Variants in TTC3 observed in about 807,000 individuals in gnomAD.
TTC3 encodes the protein tetratricopeptide repeat domain 3.
A neutral mutation model predicts 249.6 loss-of-function variants in TTC3; 180 were observed. That is an observed-to-expected ratio of 0.72 (90% CI 0.64 to 0.82). The LOEUF (loss-of-function observed/expected upper bound fraction) is 0.82. TTC3 is among the 40% of genes least tolerant of loss of function. The pLI, the probability that TTC3 is intolerant of heterozygous loss-of-function variation, is 0.00. For synonymous variants in TTC3, 717 were observed against 805.0 expected (o/e 0.89, Z 1.85); for missense variants, 2,061 against 2,398.4 (o/e 0.86, Z 2.94).
rs550654712 is a variant in TTC3, at chr21:37,133,025, A to G, written c.1443+259A>G. Among the ~76,000 whole-genome samples the G allele has an allele frequency of 4.6e-5, 7 of 152,346 alleles. No homozygotes were observed. The East Asian group carries it at 1.3e-3, about 29-fold the overall frequency. ...CTATTATAGACATATCATTTAATAT[A>G]TATGACTGCTAAGAATCCAATCTAT... On this transcript the variant is annotated intron_variant, in intron 17 of 45. Coordinates refer to ENST00000355666, the Ensembl canonical transcript of TTC3.
exon 33 of TTC3, chr21:37,165,716 T>C (rs61741846): frequency 0.011 from 18,098 of 1,613,698 alleles, 158 homozygotes; most frequent in East Asian, 0.023. Context: ...GATTGACAAC[T>C]GTATTGCACT....
intron 11 of TTC3, among the ~76,000 whole-genome samples, chr21:37,112,460 C>T (rs113735940): frequency 3.9e-5 from 6 of 152,084 alleles, no homozygotes; most frequent in African/African-American, 1.2e-4. Flanking sequence ...ATAAATTCCT[C>T]GACACATACA....
chr21:37,135,422 G>C (rs749731110), exon 18 of TTC3: 1 of 1,613,618 alleles, frequency 6.2e-7, no homozygotes, highest in African/African-American at 1.3e-5. Flanking sequence ...CTTAATTCAA[G>C]ATGGCTATAT....
chr21:37,109,729 G>T (rs551454996), intron 11 of TTC3, among the ~76,000 whole-genome samples: 1 of 152,336 alleles, frequency 6.6e-6, no homozygotes, highest in East Asian at 1.9e-4. Flanking sequence ...CTCCCAGCAC[G>T]CAGCTTGAGA....
At chr21:37,195,899 T>C in exon 42 of TTC3, 1 of 1,614,246 alleles carries the variant, frequency 6.2e-7, no homozygotes, top group South Asian at 1.1e-5. Flanking sequence ...GCCAGGCAGC[T>C]CTGTCAGAAC....
chr21:37,112,014 C>A (rs1392019076), intron 11 of TTC3, among the ~76,000 whole-genome samples: 1 of 151,748 alleles, frequency 6.6e-6, no homozygotes, highest in Admixed American at 6.6e-5. Context: ...AACAAAGACA[C>A]AACATACCAG....
chr21:37,153,550 T>TA (rs2079693270), intron 27 of TTC3, among the ~76,000 whole-genome samples: 1 of 152,120 alleles, frequency 6.6e-6, no homozygotes, highest in Non-Finnish European at 1.5e-5. Context: ...TGAAGGCCTT[T>TA]AAAAAACAGA....
At chr21:37,156,695 A>G (rs1465869506) in exon 28 of TTC3, 2 of 1,613,948 alleles carry the variant, frequency 1.2e-6, no homozygotes, top group African/African-American at 1.3e-5. Context: ...GTTATGGAGC[A>G]TCTCTTAAAC....
exon 46 of TTC3, chr21:37,201,871 A>G: frequency 2.8e-6 from 1 of 355,998 alleles, no homozygotes. Flanking sequence ...GAACGTCTCG[A>G]AGCAGTATTC....
At chr21:37,168,748 A>G (rs1404461069) in intron 34 of TTC3, among the ~76,000 whole-genome samples, 16 of 138 alleles carry the variant, frequency 0.12, no homozygotes. Flanking sequence ...GGCTTAAAAC[A>G]GTAAAATATT....
chr21:37,108,339 A>G, intron 10 of TTC3, 53 bp from the exon 11 acceptor site: 1 of 1,471,068 alleles, frequency 6.8e-7, no homozygotes, highest in Non-Finnish European at 9.3e-7. Flanking sequence ...GCAAGATATA[A>G]TACTTTTACT....
At chr21:37,186,722 C>G (rs549212120) in intron 37 of TTC3, among the ~76,000 whole-genome samples, 3 of 152,210 alleles carry the variant, frequency 2.0e-5, no homozygotes, top group Non-Finnish European at 2.9e-5. Context: ...CCACTGTGCC[C>G]GGCCTATACA....
chr21:37,144,555 AG>A lies in TTC3; in HGVS notation c.1804del (p.Ala602GlnfsTer4). On this transcript the variant is annotated frameshift_variant, in exon 21 of 46. Transcript: ENST00000355666. LOFTEE classifies it high-confidence loss of function. The stretch of plus-strand genomic sequence containing the variant: ...TAGAAGCTCTCAATCACTTTGAGAA[AG>A]CAAGAACCTTGATTTATCGTCTTCC... 1 of 1,612,620 alleles carries A rather than the reference AG, an allele frequency of 6.2e-7. No homozygotes were observed.
At chr21:37,139,795 G>A (rs2078267183) in intron 19 of TTC3, among the ~76,000 whole-genome samples, 1 of 142,436 alleles carries the variant, frequency 7.0e-6, no homozygotes, top group African/African-American at 2.6e-5. Flanking sequence ...ATGTAAAATA[G>A]CGAGACTGAT....
exon 20 of TTC3, chr21:37,140,589 A>G (rs1381004873): frequency 6.3e-7 from 1 of 1,597,930 alleles, no homozygotes; most frequent in African/African-American, 1.4e-5. Flanking sequence ...AACCAGTTTA[A>G]GAGGATTATT....
intron 9 of TTC3, among the ~76,000 whole-genome samples, chr21:37,095,895 T>C (rs2073892152): frequency 6.6e-6 from 1 of 152,236 alleles, no homozygotes; most frequent in Non-Finnish European, 1.5e-5. Context: ...TTCTCTTTGC[T>C]CAGCTGCTAG....
chr21:37,122,944 T>C (rs2076743388), intron 12 of TTC3, 39 bp from the exon 13 acceptor site: 8 of 1,596,932 alleles, frequency 5.0e-6, no homozygotes, highest in South Asian at 1.1e-5. Flanking sequence ...TGCCAATCCA[T>C]TGATTACTAT....
chr21:37,157,096 A>C (rs2080172168), intron 28 of TTC3, 190 bp downstream of exon 28: 31 of 1,371,144 alleles, frequency 2.3e-5, no homozygotes, highest in Non-Finnish European at 2.9e-5. Flanking sequence ...TTACTTTATC[A>C]GTTAAAGAGA....
intron 39 of TTC3, 81 bp from the exon 40 acceptor site, chr21:37,191,253 C>A: frequency 1.1e-6 from 1 of 924,450 alleles, no homozygotes; most frequent in Middle Eastern, 2.4e-4. Context: ...GTCTCTTTTG[C>A]TCATGTTTAG....
Sources: allele counts gnomAD v4.1 joint callset (sites outside exome capture counted in the v4.1 genomes callset), GRCh38; gene constraint gnomAD v4.1.1; transcripts MANE v1.5; gene names NCBI Gene and HGNC (gene_info 2026-07-23, HGNC 2026-07-21).